SHANK1: variants seen among roughly 807,000 people sequenced by gnomAD.
SHANK1 encodes the protein SH3 and multiple ankyrin repeat domains protein 1.
A neutral mutation model predicts 165.6 loss-of-function variants in SHANK1; 35 were observed. The observed-to-expected ratio is 0.21, with a 90% CI of 0.16 to 0.28. The LOEUF is 0.28. Ranked by LOEUF, SHANK1 falls within the 10% of genes least tolerant of loss-of-function variation. The pLI is 1.00. For synonymous variants in SHANK1, 1,428 were observed against 1,384.8 expected (o/e 1.03, Z -0.69); for missense variants, 2,681 against 3,036.4 (o/e 0.88, Z 2.75).
At chr19:50,684,835 C>T (rs887158371) in intron 21 of SHANK1, among the ~76,000 whole-genome samples, 1 of 152,116 alleles carries the variant, frequency 6.6e-6, no homozygotes, top group African/African-American at 2.4e-5. Context: ...TAAAATCCAC[C>T]GCCAATGTCT....
At position 50,666,995 on chromosome 19, in the gene SHANK1, T is replaced by A. The variant is rs754898720; in HGVS notation, c.4965A>T (p.Ala1655=). ...PHPPGPPAPA[A]PAPAAPQPGP... Reference sequence around the variant, plus strand: ...CAGGCTGTGGGGCAGCGGGAGCCGGTGCTGCTGGGGCAGGCGGGCCTGGTG... The same window carrying A: ...CAGGCTGTGGGGCAGCGGGAGCCGGAGCTGCTGGGGCAGGCGGGCCTGGTG... The change falls in exon 23 of 24, where the codon GCA becomes GCT. Residue 1655 remains alanine, a synonymous_variant. Coordinates refer to ENST00000293441, the MANE Select transcript of SHANK1 (RefSeq NM_016148.5). 1.3e-6 allele frequency: 2 copies of A among 1,572,054 alleles called. No individual in the cohort carries two copies. The highest frequency in any genetic ancestry group is 1.8e-5 in the Admixed American group (1 of 56,764).
At chr19:50,687,440 G>T in intron 19 of SHANK1, 142 bp downstream of exon 19, 4 of 627,946 alleles carry the variant, frequency 6.4e-6, no homozygotes, top group Non-Finnish European at 1.1e-5. Context: ...ACACACACAG[G>T]CCAGAGTCCG....
chr19:50,709,088 CA>C (rs575692745), intron 8 of SHANK1, among the ~76,000 whole-genome samples: 66 of 152,330 alleles, frequency 4.3e-4, no homozygotes, highest in African/African-American at 1.6e-3. Flanking sequence ...AAGCCCATGG[CA>C]AAGGCAAGCA....
rs1267710070 is a variant in SHANK1, at chr19:50,663,966, G to A, written c.5769-1284C>T. ...TTTTTTTTTTTTTTTTTAAGACAGG[G>A]TCTCACTTTGTTCCCCAGGCTGCAG... On this transcript the variant is annotated intron_variant, in intron 23 of 23. Transcript: ENST00000293441. 7.6e-5 allele frequency among the ~76,000 whole-genome samples: 8 copies of A among 104,708 alleles called. No homozygotes were observed. The Admixed American group carries it at 9.7e-4, about 13-fold the overall frequency. 68.7% of individuals were successfully genotyped at this position (104,708 alleles called of 152,430 possible). A position where few individuals can be genotyped will look rare whatever the true frequency, so the allele number is the denominator to read the frequency against.
chr19:50,667,659 G>A lies in SHANK1; in HGVS notation c.4301C>T (p.Pro1434Leu). ...AGLGSQEKSL[P>L]ASPPAARRSL... Reference sequence around the variant, plus strand: ...ACGCCGGGCGGCGGGCGGGCTGGCGGGAAGGGACTTCTCCTGGCTGCCCAG... The same window carrying A: ...ACGCCGGGCGGCGGGCGGGCTGGCGAGAAGGGACTTCTCCTGGCTGCCCAG... Residue 1434 changes from proline to leucine, a missense_variant, in exon 23 of 24, where the codon CCC (proline) becomes CTC (leucine). Coordinates refer to ENST00000293441, the MANE Select transcript of SHANK1 (RefSeq NM_016148.5). This position sits in a 1 kb window ranked among gnomAD's most constrained non-coding sequence, Gnocchi z 5.7. The A allele has an allele frequency of 7.1e-7, 1 of 1,401,962 alleles. No individual in the cohort carries two copies. The highest frequency in any genetic ancestry group is 9.2e-7 in the Non-Finnish European group (1 of 1,087,630). 86.8% of individuals were successfully genotyped at this position (1,401,962 alleles called of 1,614,324 possible).
intron 15 of SHANK1, 186 bp from the exon 16 acceptor site, chr19:50,689,465 C>G (rs1339157878): frequency 1.4e-6 from 1 of 698,062 alleles, no homozygotes; most frequent in East Asian, 2.8e-5. Flanking sequence ...GCTTCCCCCT[C>G]AGAGCCGGCA....
In SHANK1 at chr19:50,716,364, T is replaced by A. The variant is rs751125503; in HGVS notation, c.370A>T (p.Thr124Ser). 3.7e-6 allele frequency: 6 copies of A among 1,613,884 alleles called. No homozygotes were observed. The highest frequency in any genetic ancestry group is 1.7e-5 in the Admixed American group (1 of 59,986). ...AGGAAGTTGGCATCGCGGCCGGAGGTGGCCGGTTGGAACAGGCCATAGTTG... is the reference window on the plus strand; with the variant it reads ...AGGAAGTTGGCATCGCGGCCGGAGGAGGCCGGTTGGAACAGGCCATAGTTG... ...VLNYGLFQPATSGRDANFLEE... is the reference protein window; with the variant it reads ...VLNYGLFQPASSGRDANFLEE... The change falls in exon 3 of 24, where the codon ACC becomes TCC. Residue 124 changes from threonine (T) to serine (S), a missense_variant. Thr to Ser is a moderately conservative substitution (Grantham distance 58). Around this residue, in one of 10 missense-constraint regions of SHANK1, gnomAD observed 189 missense variants for 440.9 expected, o/e 0.43. Transcript: ENST00000293441. This position sits in a 1 kb window ranked among gnomAD's most constrained non-coding sequence, Gnocchi z 8.4.
chr19:50,672,887 G>A (rs1985850105), intron 21 of SHANK1, among the ~76,000 whole-genome samples: 1 of 152,158 alleles, frequency 6.6e-6, no homozygotes, highest in Non-Finnish European at 1.5e-5. Context: ...GAGGAGATCA[G>A]AGGGGACCAA....
At chr19:50,704,016 C>T (rs978717937) in intron 10 of SHANK1, 104 bp downstream of exon 10, 29 of 1,225,906 alleles carry the variant, frequency 2.4e-5, no homozygotes, top group African/African-American at 1.7e-4. Flanking sequence ...GGGTTTTCTC[C>T]ATCCTATCCT....
At position 50,660,574 on chromosome 19, in the gene SHANK1, C is replaced by A. The variant is rs965012391; in HGVS notation, c.*1391G>T. Reference sequence around the variant, plus strand: ...AAATGACAGTTACAGCCCAAGAGTGCATGGAATGAGATGAGTGTGCAAAAG... The same window carrying A: ...AAATGACAGTTACAGCCCAAGAGTGAATGGAATGAGATGAGTGTGCAAAAG... On this transcript the variant is annotated 3_prime_UTR_variant, in exon 24 of 24. Transcript: ENST00000293441. 6.6e-6 allele frequency among the ~76,000 whole-genome samples: 1 copy of A among 151,924 alleles called. No homozygotes were observed. The highest frequency in any genetic ancestry group is 2.4e-5 in the African/African-American group (1 of 41,334).
chr19:50,698,083 T>C (rs1986798510), intron 12 of SHANK1, 127 bp from the exon 13 acceptor site: 2 of 692,838 alleles, frequency 2.9e-6, no homozygotes, highest in African/African-American at 1.8e-5. Context: ...TTAATAAACA[T>C]CTGAGGAAGG....
intron 10 of SHANK1, 77 bp downstream of exon 10, chr19:50,704,043 C>G (rs559444408): frequency 4.8e-6 from 7 of 1,451,422 alleles, no homozygotes; most frequent in Non-Finnish European, 6.8e-6. Context: ...CAAGTCAGGT[C>G]CCCCAACTCC....
intron 21 of SHANK1, among the ~76,000 whole-genome samples, chr19:50,680,964 C>T (rs78069618): frequency 0.11 from 17,440 of 151,980 alleles, 1,457 homozygotes; most frequent in African/African-American, 0.23. Context: ...CTGATAGTGG[C>T]GTCTTATACA....
chr19:50,672,279 C>T (rs764617732), intron 21 of SHANK1, among the ~76,000 whole-genome samples, 165 bp from the exon 22 acceptor site: 4 of 152,188 alleles, frequency 2.6e-5, no homozygotes, highest in Non-Finnish European at 5.9e-5. Flanking sequence ...GGCAACGTGG[C>T]TCACGCCTGT....
Position 50,703,590 on chromosome 19 carries a change from C to T in SHANK1, c.1463G>A (p.Ser488Asn). ...TTKLSSGTLR[S>N]ASSPRGARAR... ...CCTGGCACCCCGGGGGCTGCTGGCA[C>T]TTCGGAGGGTCCCGCTGCTGAGCTT... The change falls in exon 11 of 24, where the codon AGT becomes AAT. Residue 488 changes from serine to asparagine, a missense_variant. Ser to Asn is a conservative substitution (Grantham distance 46). Transcript: ENST00000293441. 6.4e-7 allele frequency: 1 copy of T among 1,559,256 alleles called. No homozygotes were observed. Among genetic ancestry groups the T allele is most frequent in the East Asian group, 2.4e-5 (1 of 42,508 alleles).
At chr19:50,709,922 G>A (rs1307412242) in intron 8 of SHANK1, among the ~76,000 whole-genome samples, 2 of 152,224 alleles carry the variant, frequency 1.3e-5, no homozygotes, top group African/African-American at 4.8e-5. Context: ...GACCCTGACT[G>A]ACACTGGTGA....
intron 15 of SHANK1, among the ~76,000 whole-genome samples, chr19:50,691,099 G>A (rs557891746): frequency 7.9e-5 from 12 of 152,124 alleles, no homozygotes; most frequent in Middle Eastern, 3.4e-3. Context: ...CACCATACCC[G>A]CCATGTCTTC....
Position 50,661,902 on chromosome 19 carries a change from G to C in SHANK1, c.*63C>G. The C allele has an allele frequency of 6.4e-7, 1 of 1,564,666 alleles. No homozygotes were observed. Among genetic ancestry groups the C allele is most frequent in the East Asian group, 2.2e-5 (1 of 44,540 alleles). On this transcript the variant is annotated 3_prime_UTR_variant, in exon 24 of 24. Coordinates refer to ENST00000293441, the MANE Select transcript of SHANK1 (RefSeq NM_016148.5). Reference sequence around the variant, plus strand: ...GGGAGAGAATGACAGTCAGGGGTCAGAGGTCAAGAGGCCAGCAGGCTCAAG... The same window carrying C: ...GGGAGAGAATGACAGTCAGGGGTCACAGGTCAAGAGGCCAGCAGGCTCAAG...
Position 50,668,549 on chromosome 19 carries a change from G to A in SHANK1, c.3411C>T (p.Ser1137=). Reference sequence around the variant, plus strand: ...CGGCCACGGCGGGCGGCGGCTGCGGGGAGGCCGGGGACGTGGGCGACGGCG... The same window carrying A: ...CGGCCACGGCGGGCGGCGGCTGCGGAGAGGCCGGGGACGTGGGCGACGGCG... ...PPAPSPTSPA[S]PQPPPAVAAP... The change falls in exon 23 of 24, where the codon TCC becomes TCT. Residue 1137 remains serine (S), a synonymous_variant. Coordinates refer to ENST00000293441, the MANE Select transcript of SHANK1 (RefSeq NM_016148.5). 7.4e-7 allele frequency: 1 copy of A among 1,352,972 alleles called. No individual in the cohort carries two copies. The highest frequency in any genetic ancestry group is 9.5e-7 in the Non-Finnish European group (1 of 1,053,434). The allele number at this position is 1,352,972 out of a possible 1,614,324, so 83.8% of individuals were successfully genotyped here.
Sources: gnomAD v4.1 joint callset for allele counts (sites outside exome capture counted in the v4.1 genomes callset) on GRCh38, gnomAD v4.1.1 for gene constraint, gnomAD v4.1.1 regional missense constraint, Gnocchi (gnomAD v3.1) non-coding constraint, MANE v1.5 for transcripts, NCBI Gene and HGNC (gene_info 2026-07-23, HGNC 2026-07-21) for gene names.